BICD1: variants seen among roughly 807,000 people sequenced by gnomAD.
BICD1 encodes protein bicaudal D homolog 1.
In BICD1, 35 loss-of-function variants were observed where a neutral mutation model predicts 92.5. The ratio of observed to expected loss-of-function variants is 0.38; its 90% CI spans 0.29 to 0.50. The LOEUF is 0.50. Among genes scored for constraint, BICD1 ranks in the 20% least tolerant of loss-of-function variants. The pLI, the probability that BICD1 is intolerant of heterozygous loss-of-function variation, is 0.93. For missense variants in BICD1, 950 were observed against 1,189.8 expected, an observed-to-expected ratio of 0.80 and a Z score of 2.97; for synonymous variants, 429 against 465.1, an observed-to-expected ratio of 0.92 and a Z score of 1.00.
At chr12:32,215,478 C>G (rs948958371) in intron 1 of BICD1, among the ~76,000 whole-genome samples, 2 of 152,082 alleles carry the variant, frequency 1.3e-5, no homozygotes, top group East Asian at 1.9e-4. Context: ...GTAATTTTAA[C>G]TCTTAAGGAT....
At chr12:32,137,124 T>C (rs922461573) in intron 1 of BICD1, among the ~76,000 whole-genome samples, 14 of 152,218 alleles carry the variant, frequency 9.2e-5, no homozygotes, top group African/African-American at 3.1e-4. Flanking sequence ...TGTCTCGCTC[T>C]GTTGCCCAGA....
At chr12:32,360,910 AT>A (rs1334759598) in intron 8 of BICD1, among the ~76,000 whole-genome samples, 5 of 152,242 alleles carry the variant, frequency 3.3e-5, no homozygotes, top group African/African-American at 1.2e-4. Context: ...AAGAGGCGAA[AT>A]ATTTCACATG....
chr12:32,153,759 ATG>A (rs1241090686), intron 1 of BICD1, among the ~76,000 whole-genome samples: 2 of 148,342 alleles, frequency 1.3e-5, no homozygotes, highest in Non-Finnish European at 3.0e-5. Flanking sequence ...TTGTATATAT[ATG>A]TGTGTGTACA....
intron 1 of BICD1, chr12:32,107,834 A>T: frequency 2.9e-6 from 2 of 679,654 alleles, no homozygotes; most frequent in Non-Finnish European, 5.4e-6. Context: ...GACGACATTC[A>T]AGTGGGTTGG....
At chr12:32,182,893 T>TC (rs554259221) in intron 1 of BICD1, among the ~76,000 whole-genome samples, 300 of 145,028 alleles carry the variant, frequency 2.1e-3, no homozygotes, top group African/African-American at 7.2e-3. Context: ...TTTCTTTCTT[T>TC]TTTTTTTTTT....
chr12:32,153,899 CAG>C (rs767465481), intron 1 of BICD1, among the ~76,000 whole-genome samples: 1 of 151,538 alleles, frequency 6.6e-6, no homozygotes, highest in Non-Finnish European at 1.5e-5. Context: ...TGCTTGAAAT[CAG>C]GGGTTGGAAT....
chr12:32,284,871 G>A (rs1947521923), intron 2 of BICD1, among the ~76,000 whole-genome samples: 1 of 152,162 alleles, frequency 6.6e-6, no homozygotes, highest in Non-Finnish European at 1.5e-5. Flanking sequence ...CACTACTTCA[G>A]AGGTTCGCGA....
chr12:32,235,088 A>C (rs1157522326), intron 2 of BICD1, among the ~76,000 whole-genome samples: 1 of 152,200 alleles, frequency 6.6e-6, no homozygotes. Flanking sequence ...GGCTTGGCAC[A>C]CAATATTCCT....
chr12:32,327,345 G>A, intron 4 of BICD1, 116 bp from the exon 5 acceptor site: 1 of 1,229,846 alleles, frequency 8.1e-7, no homozygotes, highest in South Asian at 1.8e-5. Flanking sequence ...TGAAATAGTG[G>A]GAACATTGGC....
chr12:32,364,303 C>T (rs759994779), intron 8 of BICD1, among the ~76,000 whole-genome samples: 2 of 152,164 alleles, frequency 1.3e-5, no homozygotes, highest in African/African-American at 4.8e-5. Context: ...GAGATGTGGT[C>T]TAGTTCCTTC....
At chr12:32,334,480 T>C (rs1938019601) in intron 5 of BICD1, 36 bp from the exon 6 acceptor site, 1 of 1,563,082 alleles carries the variant, frequency 6.4e-7, no homozygotes, top group Middle Eastern at 1.7e-4. Context: ...ATTTTCCTGA[T>C]ATGAAAATTG....
rs576443353 is a variant in BICD1 at position 32,127,094 on chromosome 12, A to C, written c.213+19550A>C. 2.6e-5 allele frequency among the ~76,000 whole-genome samples: 4 copies of C among 152,314 alleles called. No homozygotes were observed. The South Asian group carries it at 8.3e-4, about 32-fold the overall frequency. On this transcript the variant is annotated intron_variant, in intron 1 of 9. Coordinates refer to ENST00000652176, the MANE Select transcript of BICD1 (RefSeq NM_001714.4). ...AGATATGTTGGAAATATCTTTTCCT[A>C]GTCCATGGGTTGTCTTTTTACTCTT...
In BICD1 at chr12:32,233,542, C is replaced by T. The variant is rs546207052; in HGVS notation, c.426+17083C>T. On this transcript the variant is annotated intron_variant, in intron 2 of 9. Coordinates refer to ENST00000652176, the MANE Select transcript of BICD1 (RefSeq NM_001714.4). The stretch of plus-strand genomic sequence containing the variant: ...CCGTTCTTCCCCCTTCCTCCTCCTT[C>T]CTTCCTTCCTTCCCTCCCTCCCTCC... 4.8e-3 allele frequency among the ~76,000 whole-genome samples: 724 copies of T among 150,942 alleles called. 5 individuals are homozygous for T. Among genetic ancestry groups the T allele is most frequent in the Non-Finnish European group, 6.9e-3 (466 of 67,724 alleles).
intron 2 of BICD1, among the ~76,000 whole-genome samples, chr12:32,241,967 G>C (rs1946247882): frequency 6.6e-6 from 1 of 151,966 alleles, no homozygotes; most frequent in Admixed American, 6.6e-5. Flanking sequence ...GGATGAGGCA[G>C]GTGGATCACT....
chr12:32,305,578 T>C, intron 3 of BICD1, 119 bp from the exon 4 acceptor site: 1 of 863,840 alleles, frequency 1.2e-6, no homozygotes, highest in Non-Finnish European at 1.7e-6. Flanking sequence ...TTTTTATTAT[T>C]TATTTTTTAG....
intron 1 of BICD1, among the ~76,000 whole-genome samples, chr12:32,160,216 C>A (rs527392014): frequency 2.6e-5 from 4 of 152,334 alleles, no homozygotes; most frequent in Admixed American, 6.5e-5. Context: ...CTTCTGGAAC[C>A]AAGCCCACCT....
At chr12:32,251,563 G>A (rs1946523001) in intron 2 of BICD1, among the ~76,000 whole-genome samples, 3 of 152,030 alleles carry the variant, frequency 2.0e-5, no homozygotes, top group African/African-American at 7.2e-5. Flanking sequence ...AATGTTTAAT[G>A]CTCCTTGATT....
Position 32,216,309 on chromosome 12 carries a change from A to C in BICD1, c.276A>C (p.Glu92Asp), listed in dbSNP as rs1945360209. 1 of 1,614,066 alleles carries C rather than the reference A, an allele frequency of 6.2e-7. No individual in the cohort carries two copies. Among genetic ancestry groups the C allele is most frequent in the South Asian group, 1.1e-5 (1 of 91,084 alleles). ...KVAEDGETRE[E>D]TLLQESASKE... ...CTGAAGATGGAGAGACTCGGGAGGA[A>C]ACGCTTCTGCAGGAGTCAGCATCGA... The change falls in exon 2 of 10, where the codon GAA (glutamate) becomes GAC (aspartate). Residue 92 changes from glutamate to aspartate, a missense_variant. Glu to Asp is a conservative substitution (Grantham distance 45, BLOSUM62 2). Around this residue, in one of 5 missense-constraint regions of BICD1, gnomAD observed 202 missense variants for 205.3 expected, o/e 0.98. Coordinates refer to ENST00000652176, the MANE Select transcript of BICD1 (RefSeq NM_001714.4).
chr12:32,122,776 C>G (rs965659109), intron 1 of BICD1, among the ~76,000 whole-genome samples: 9 of 152,130 alleles, frequency 5.9e-5, no homozygotes, highest in Admixed American at 1.3e-4. Context: ...GAAGAAAGCT[C>G]TAGACCAATG....
Sources: gnomAD v4.1 joint callset for allele counts (sites outside exome capture counted in the v4.1 genomes callset) on GRCh38, gnomAD v4.1.1 for gene constraint, gnomAD v4.1.1 regional missense constraint, MANE v1.5 for transcripts, NCBI Gene and HGNC (gene_info 2026-07-23, HGNC 2026-07-21) for gene names.